The following RSRC1 variants were observed in gnomAD, a reference collection of about 807,000 sequenced individuals.
RSRC1 encodes arginine and serine rich coiled-coil 1.
Under a neutral mutation model 49.1 loss-of-function variants are expected in RSRC1, and 39 were observed. That is an observed-to-expected ratio of 0.79 (90% CI 0.61 to 1.04). RSRC1 has a LOEUF of 1.04. RSRC1 is among the 50% of genes least tolerant of loss of function. RSRC1 has a pLI of 0.00. For synonymous variants in RSRC1, 143 were observed against 130.8 expected, an observed-to-expected ratio of 1.09 and a Z score of -0.63; for missense variants, 388 against 402.4, an observed-to-expected ratio of 0.96 and a Z score of 0.31.
chr3:158,178,833 C>T (rs1006292975), intron 3 of RSRC1, among the ~76,000 whole-genome samples: 4 of 152,228 alleles, frequency 2.6e-5, no homozygotes, highest in African/African-American at 9.6e-5. Flanking sequence ...GGATGTTTTA[C>T]AGTATTTCTA....
chr3:158,122,354 A>G (rs1715315139), intron 2 of RSRC1, 56 bp downstream of exon 2: 1 of 1,219,366 alleles, frequency 8.2e-7, no homozygotes, highest in Non-Finnish European at 1.1e-6. Flanking sequence ...TTTAAAATTC[A>G]TGTTTTTGTA....
intron 6 of RSRC1, among the ~76,000 whole-genome samples, chr3:158,379,602 A>G (rs1235237793): frequency 6.6e-6 from 1 of 151,540 alleles, no homozygotes; most frequent in Non-Finnish European, 1.5e-5. Context: ...TGTTCTCCTC[A>G]CTCAATCACA....
chr3:158,217,837 A>G (rs10513524), intron 4 of RSRC1, among the ~76,000 whole-genome samples: 11,578 of 151,328 alleles, frequency 0.077, 548 homozygotes, highest in South Asian at 0.13. Context: ...AGCATAAGAC[A>G]TGTGTAGTGC....
intron 5 of RSRC1, among the ~76,000 whole-genome samples, chr3:158,334,316 T>G (rs938296137): frequency 6.6e-6 from 1 of 152,168 alleles, no homozygotes; most frequent in Non-Finnish European, 1.5e-5. Flanking sequence ...CTGTGTCATG[T>G]CTAAAAGTAT....
chr3:158,198,004 G>A (rs1402916263), intron 3 of RSRC1, among the ~76,000 whole-genome samples: 1 of 152,080 alleles, frequency 6.6e-6, no homozygotes, highest in African/African-American at 2.4e-5. Flanking sequence ...ATGTCTATTA[G>A]GTCGGCTTGG....
intron 8 of RSRC1, among the ~76,000 whole-genome samples, chr3:158,540,529 T>C (rs1712976166): frequency 6.6e-6 from 1 of 152,062 alleles, no homozygotes; most frequent in Non-Finnish European, 1.5e-5. Flanking sequence ...CTGATCAGCT[T>C]CCATTAGAAT....
intron 6 of RSRC1, among the ~76,000 whole-genome samples, chr3:158,441,018 T>C (rs1736353808): frequency 6.6e-6 from 1 of 152,062 alleles, no homozygotes; most frequent in African/African-American, 2.4e-5. Flanking sequence ...TCTTGCATGG[T>C]TTTATGTTTT....
At chr3:158,346,204 T>C (rs1730545800) in intron 5 of RSRC1, among the ~76,000 whole-genome samples, 1 of 152,080 alleles carries the variant, frequency 6.6e-6, no homozygotes, top group South Asian at 2.1e-4. Flanking sequence ...CCCAGCACCT[T>C]GGGAGACCAA....
intron 5 of RSRC1, among the ~76,000 whole-genome samples, chr3:158,349,691 C>CTTTTTTTTTTTTTTTTTTTT (rs775736592): frequency 1.3e-5 from 1 of 74,852 alleles, no homozygotes; most frequent in African/African-American, 5.6e-5. Flanking sequence ...TCTTACTGCC[C>CTTTTTTTTTTTTTTTTTTTT]TTTTTTTTTT....
intron 4 of RSRC1, among the ~76,000 whole-genome samples, chr3:158,294,452 C>T (rs1394529052): frequency 2.0e-5 from 3 of 151,906 alleles, no homozygotes; most frequent in Non-Finnish European, 4.4e-5. Context: ...TTAGTTTATT[C>T]TCTTTTCTCT....
chr3:158,523,481 G>A (rs1015163070), intron 7 of RSRC1, among the ~76,000 whole-genome samples: 1 of 151,922 alleles, frequency 6.6e-6, no homozygotes, highest in Non-Finnish European at 1.5e-5. Flanking sequence ...TGAATTAAAA[G>A]ATAAAAAATA....
At chr3:158,424,039 C>T (rs1192350106) in intron 6 of RSRC1, among the ~76,000 whole-genome samples, 2 of 151,614 alleles carry the variant, frequency 1.3e-5, no homozygotes, top group East Asian at 3.9e-4. Context: ...TTGACTTCCT[C>T]TTTTCCTAAT....
At chr3:158,138,777 T>C (rs980221942) in intron 3 of RSRC1, among the ~76,000 whole-genome samples, 2 of 152,206 alleles carry the variant, frequency 1.3e-5, no homozygotes, top group Non-Finnish European at 2.9e-5. Flanking sequence ...TTAAAATTAT[T>C]TTCCCCAAGT....
chr3:158,471,450 G>A (rs955091411), intron 7 of RSRC1, among the ~76,000 whole-genome samples: 7 of 152,106 alleles, frequency 4.6e-5, no homozygotes, highest in African/African-American at 1.4e-4. Context: ...TATAGCAAAA[G>A]CAACAGTAAT....
intron 7 of RSRC1, among the ~76,000 whole-genome samples, chr3:158,514,821 A>C (rs1000568825): frequency 2.0e-5 from 3 of 152,168 alleles, no homozygotes; most frequent in Non-Finnish European, 2.9e-5. Context: ...TGCATATATA[A>C]TTAAGATAGT....
intron 5 of RSRC1, among the ~76,000 whole-genome samples, chr3:158,342,649 A>G (rs932271528): frequency 1.3e-5 from 2 of 152,230 alleles, no homozygotes; most frequent in African/African-American, 4.8e-5. Flanking sequence ...TATGACTTTC[A>G]GCAAGTTATT....
At chr3:158,400,795 A>G (rs571896005) in intron 6 of RSRC1, among the ~76,000 whole-genome samples, 1 of 152,148 alleles carries the variant, frequency 6.6e-6, no homozygotes, top group Non-Finnish European at 1.5e-5. Context: ...GTTACAGTAG[A>G]TAGATTGCCT....
At chr3:158,170,399 G>A (rs1309051610) in intron 3 of RSRC1, among the ~76,000 whole-genome samples, 2 of 151,552 alleles carry the variant, frequency 1.3e-5, no homozygotes, top group African/African-American at 2.4e-5. Context: ...TAATGTGAGG[G>A]TTTAAACAAG....
At chr3:158,477,913 T>A (rs896090492) in intron 7 of RSRC1, among the ~76,000 whole-genome samples, 2 of 150,084 alleles carry the variant, frequency 1.3e-5, no homozygotes, top group African/African-American at 4.9e-5. Context: ...CTGTTTTCTT[T>A]TTTTTAACAA....
Sources: allele counts gnomAD v4.1 joint callset (sites outside exome capture counted in the v4.1 genomes callset), GRCh38; gene constraint gnomAD v4.1.1; transcripts MANE v1.5; gene names NCBI Gene and HGNC (gene_info 2026-07-23, HGNC 2026-07-21).